The following CHSY3 variants were observed in gnomAD, a reference collection of about 807,000 sequenced individuals.
CHSY3 encodes chondroitin sulfate synthase 3.
CHSY3 carries 35 observed loss-of-function variants against 67.2 expected under a neutral mutation model. The ratio of observed to expected loss-of-function variants is 0.52; its 90% confidence interval spans 0.40 to 0.69. The LOEUF is 0.69. CHSY3 is among the 30% of genes least tolerant of loss of function. The probability of loss-of-function intolerance (pLI) is 0.00; values close to 1 mark genes in which losing one functional copy is unlikely to be tolerated. For synonymous variants in CHSY3, 474 were observed against 434.7 expected (o/e 1.09, Z -1.12); for missense variants, 1,069 against 1,138.5 (o/e 0.94, Z 0.88).
chr5:129,989,859 A>G (rs1219974034), intron 2 of CHSY3, among the ~76,000 whole-genome samples: 1 of 152,204 alleles, frequency 6.6e-6, no homozygotes, highest in Admixed American at 6.5e-5. Flanking sequence ...GATAGTAAAT[A>G]CTTCAGGCTT....
rs978700508 is a variant in CHSY3 at position 129,995,494 on chromosome 5, T to C, written c.1086+87134T>C. On this transcript the variant is annotated intron_variant, in intron 2 of 2. Coordinates refer to ENST00000305031, the MANE Select transcript of CHSY3 (RefSeq NM_175856.5). Reference sequence around the variant, plus strand: ...TGTGATTCCAAACCATCTGTGTACTTTTTTTTTCTTTTCTTTTCTTTTTTT... The same window carrying C: ...TGTGATTCCAAACCATCTGTGTACTCTTTTTTTCTTTTCTTTTCTTTTTTT... Among the ~76,000 whole-genome samples the C allele has an allele frequency of 4.4e-4, 67 of 151,342 alleles. 2 individuals carry two copies. The highest frequency in any genetic ancestry group is 3.4e-3 in the Middle Eastern group (1 of 294).
intron 2 of CHSY3, among the ~76,000 whole-genome samples, chr5:129,959,012 C>T (rs752518211): frequency 2.0e-5 from 3 of 152,052 alleles, no homozygotes; most frequent in Non-Finnish European, 4.4e-5. Flanking sequence ...ACATAGCAAA[C>T]TCTACTATTC....
At chr5:130,158,040 G>A (rs1352979995) in intron 2 of CHSY3, among the ~76,000 whole-genome samples, 10 of 152,202 alleles carry the variant, frequency 6.6e-5, no homozygotes, top group Non-Finnish European at 1.2e-4. Flanking sequence ...CAGTGGGGAC[G>A]ACCAGAGGTC....
chr5:129,943,111 A>G (rs1011080250), intron 2 of CHSY3, among the ~76,000 whole-genome samples: 3 of 152,148 alleles, frequency 2.0e-5, no homozygotes, highest in Admixed American at 6.5e-5. Context: ...AGTAGTATGC[A>G]TATTTGTGTC....
intron 2 of CHSY3, among the ~76,000 whole-genome samples, chr5:130,144,108 T>C (rs191016765): frequency 1.5e-4 from 23 of 151,424 alleles, no homozygotes; most frequent in African/African-American, 5.6e-4. Flanking sequence ...AAGAAGTGTT[T>C]CTTCTATAAA....
chr5:130,132,788 G>T (rs1580766802), intron 2 of CHSY3, among the ~76,000 whole-genome samples: 2 of 152,242 alleles, frequency 1.3e-5, no homozygotes, highest in Middle Eastern at 6.8e-3. Context: ...GTAGAAGCCA[G>T]AAATGCTGCC....
chr5:129,999,312 A>G (rs1763651171), intron 2 of CHSY3, among the ~76,000 whole-genome samples: 1 of 152,164 alleles, frequency 6.6e-6, no homozygotes, highest in Non-Finnish European at 1.5e-5. Context: ...TGAAAACAAT[A>G]TTATTTCATT....
At chr5:130,101,298 T>A (rs575748641) in intron 2 of CHSY3, among the ~76,000 whole-genome samples, 1 of 152,294 alleles carries the variant, frequency 6.6e-6, no homozygotes, top group African/African-American at 2.4e-5. Context: ...ACTGTATCAT[T>A]TCCTTCATAG....
chr5:130,051,379 G>C (rs1390796061), intron 2 of CHSY3, among the ~76,000 whole-genome samples: 6 of 151,994 alleles, frequency 3.9e-5, no homozygotes, highest in Non-Finnish European at 7.4e-5. Context: ...CTGTCTACCA[G>C]ATCCACTAAA....
chr5:130,117,301 G>A (rs1767842443), intron 2 of CHSY3, among the ~76,000 whole-genome samples: 1 of 152,210 alleles, frequency 6.6e-6, no homozygotes, highest in Non-Finnish European at 1.5e-5. Context: ...AAGGAACCAT[G>A]GGATCATGGA....
chr5:130,127,586 G>A (rs766509732), intron 2 of CHSY3, among the ~76,000 whole-genome samples: 2 of 152,120 alleles, frequency 1.3e-5, no homozygotes, highest in Non-Finnish European at 2.9e-5. Flanking sequence ...CATGGATAAA[G>A]GCACTTTGTT....
intron 2 of CHSY3, among the ~76,000 whole-genome samples, chr5:129,979,199 CAAAAAAAAAAAAA>C (rs58584381): frequency 0.021 from 1,343 of 62,660 alleles, 37 homozygotes; most frequent in African/African-American, 0.077. Context: ...GACTCCGTCT[CAAAAAAAAAAAAA>C]AAAAAAAAAA....
intron 2 of CHSY3, among the ~76,000 whole-genome samples, chr5:130,134,948 C>G (rs1768611253): frequency 6.6e-6 from 1 of 151,512 alleles, no homozygotes; most frequent in Non-Finnish European, 1.5e-5. Flanking sequence ...AAAGCTCACT[C>G]CCCAGTCACC....
At chr5:130,143,814 A>ATGTG (rs1768984380) in intron 2 of CHSY3, among the ~76,000 whole-genome samples, 1 of 86,576 alleles carries the variant, frequency 1.2e-5, no homozygotes, top group Non-Finnish European at 2.3e-5. Flanking sequence ...ATGTGTGTAT[A>ATGTG]TATATATATA....
intron 2 of CHSY3, among the ~76,000 whole-genome samples, chr5:130,124,222 T>G (rs575301727): frequency 1.4e-4 from 22 of 152,192 alleles, no homozygotes; most frequent in African/African-American, 5.1e-4. Flanking sequence ...GGACAGTATC[T>G]TAAGGGCCAA....
chr5:130,087,260 C>T (rs1010348758), intron 2 of CHSY3, among the ~76,000 whole-genome samples: 34 of 152,140 alleles, frequency 2.2e-4, no homozygotes, highest in Non-Finnish European at 3.5e-4. Flanking sequence ...CAGCCAATAT[C>T]ATACTGAATG....
At chr5:129,915,105 A>G (rs1760692128) in intron 2 of CHSY3, among the ~76,000 whole-genome samples, 1 of 152,178 alleles carries the variant, frequency 6.6e-6, no homozygotes. Context: ...ACAGAGAAAT[A>G]TATTCTACTA....
intron 2 of CHSY3, among the ~76,000 whole-genome samples, chr5:129,957,468 T>C (rs895867919): frequency 6.6e-6 from 1 of 152,210 alleles, no homozygotes; most frequent in East Asian, 1.9e-4. Context: ...TTCTTTTGCC[T>C]GATTGATCTT....
intron 2 of CHSY3, among the ~76,000 whole-genome samples, chr5:129,974,671 G>A (rs1279346777): frequency 6.6e-6 from 1 of 152,090 alleles, no homozygotes; most frequent in Non-Finnish European, 1.5e-5. Context: ...ATGAGATTCG[G>A]GAGCAGAAAG....
Sources: gnomAD v4.1 joint callset for allele counts (sites outside exome capture counted in the v4.1 genomes callset) on GRCh38, gnomAD v4.1.1 for gene constraint, MANE v1.5 for transcripts, NCBI Gene and HGNC (gene_info 2026-07-23, HGNC 2026-07-21) for gene names.